USH2A: variants seen among roughly 807,000 people sequenced by gnomAD.
USH2A encodes usherin.
Under a neutral mutation model 538.9 loss-of-function variants are expected in USH2A, and 443 were observed. The ratio of observed to expected loss-of-function variants is 0.82; its 90% CI spans 0.76 to 0.89. The LOEUF (loss-of-function observed/expected upper bound fraction) is 0.89, where lower values mean the gene tolerates loss of function less well. USH2A is among the 40% of genes least tolerant of loss of function. USH2A has a pLI of 0.00. For missense variants in USH2A, 6,633 were observed against 6,324.8 expected, an observed-to-expected ratio of 1.05 and a Z score of -1.65; for synonymous variants, 2,413 against 2,273.5, an observed-to-expected ratio of 1.06 and a Z score of -1.75.
intron 21 of USH2A, among the ~76,000 whole-genome samples, chr1:216,170,755 C>T (rs551574392): frequency 6.6e-6 from 1 of 152,166 alleles, no homozygotes; most frequent in South Asian, 2.1e-4. Context: ...GGATTACTAG[C>T]ATTACAAGGA....
intron 35 of USH2A, among the ~76,000 whole-genome samples, chr1:215,992,644 C>G (rs1331016374): frequency 3.9e-5 from 6 of 152,186 alleles, no homozygotes; most frequent in African/African-American, 1.4e-4. Flanking sequence ...TGTACATGAA[C>G]TTTCCACCTC....
rs767149705 is a variant in USH2A at position 215,813,913 on chromosome 1, T to C, written c.9571-9A>G. On this transcript the variant is annotated splice_polypyrimidine_tract_variant and intron_variant, in intron 48 of 71. Transcript: ENST00000307340. ...ACTCCGTTACAACAAACCTGAAAGT[T>C]TGAAAACAGTTTTAAAGAAATATCA... The C allele has an allele frequency of 2.5e-6, 4 of 1,613,388 alleles. No individual in the cohort carries two copies. In the African/African-American group the frequency reaches 4.0e-5, roughly 16 times the overall value.
At chr1:215,658,912 A>G (rs1474750071) in intron 64 of USH2A, among the ~76,000 whole-genome samples, 2 of 152,248 alleles carry the variant, frequency 1.3e-5, no homozygotes, top group African/African-American at 4.8e-5. Flanking sequence ...AGCTAAGATC[A>G]CAATCACCAA....
chr1:216,274,635 G>T (rs1292439391), intron 11 of USH2A, among the ~76,000 whole-genome samples: 2 of 152,102 alleles, frequency 1.3e-5, no homozygotes, highest in Non-Finnish European at 1.5e-5. Context: ...TAAATGTCAT[G>T]AATTGGAGAA....
intron 37 of USH2A, among the ~76,000 whole-genome samples, chr1:215,961,824 T>C (rs1192341298): frequency 6.6e-6 from 1 of 151,778 alleles, no homozygotes; most frequent in African/African-American, 2.4e-5. Flanking sequence ...AAATAAGGTT[T>C]GACCCATACA....
intron 4 of USH2A, among the ~76,000 whole-genome samples, chr1:216,341,094 C>T (rs530705724): frequency 1.4e-4 from 21 of 152,048 alleles, no homozygotes; most frequent in African/African-American, 3.4e-4. Flanking sequence ...ATTTAGAAAA[C>T]GCCATTGTTT....
chr1:215,999,096 G>A, intron 33 of USH2A, 38 bp from the exon 34 acceptor site: 2 of 1,549,684 alleles, frequency 1.3e-6, no homozygotes, highest in Non-Finnish European at 8.9e-7. Flanking sequence ...ATTCATTCAA[G>A]TCAAAACTAA....
intron 29 of USH2A, among the ~76,000 whole-genome samples, chr1:216,070,837 T>C (rs960054460): frequency 6.7e-6 from 1 of 149,668 alleles, no homozygotes; most frequent in Non-Finnish European, 1.5e-5. Context: ...ATGGAATATA[T>C]TCTTAGTTGC....
At chr1:216,136,040 G>T (rs1280818567) in intron 21 of USH2A, among the ~76,000 whole-genome samples, 1 of 151,888 alleles carries the variant, frequency 6.6e-6, no homozygotes, top group Non-Finnish European at 1.5e-5. Context: ...GTGTATCTTT[G>T]ATTAGTATCA....
At chr1:216,213,963 G>T (rs1313162027) in intron 15 of USH2A, among the ~76,000 whole-genome samples, 1 of 151,964 alleles carries the variant, frequency 6.6e-6, no homozygotes, top group Admixed American at 6.6e-5. Flanking sequence ...TTCAACATTA[G>T]TCAGCAGGAA....
At chr1:216,152,268 A>G (rs1402852932) in intron 21 of USH2A, among the ~76,000 whole-genome samples, 4 of 152,244 alleles carry the variant, frequency 2.6e-5, no homozygotes, top group Non-Finnish European at 5.9e-5. Flanking sequence ...GTATACGCCC[A>G]GATGGCCTGA....
rs764928685 is a variant in USH2A at position 216,323,515 on chromosome 1, T to G, written c.1509A>C (p.Arg503Ser). 6.2e-7 allele frequency: 1 copy of G among 1,613,488 alleles called. No individual in the cohort carries two copies. The highest frequency in any genetic ancestry group is 1.3e-5 in the African/African-American group (1 of 74,964). ...TTTCGTCCACTGCATAATATCTGTG[T>G]CTGAGGTTAACAGCAGTCTCAGTTG... ...YYTTETAVNLRHRYYAVDEIT... is the reference protein window; with the variant it reads ...YYTTETAVNLSHRYYAVDEIT... The change falls in exon 8 of 72, where the codon AGA (arginine) becomes AGC (serine). Residue 503 changes from arginine (R) to serine (S), a missense_variant. Physicochemically the swap from Arg to Ser is moderately radical, Grantham distance 110. Transcript: ENST00000307340.
rs544897614 is a variant in USH2A, at chr1:215,828,170, G to A, written c.9371+9821C>T. ...TAATTTAAAAATATAGGGGGATGCC[G>A]GGTGCTGTGTGGGTCACATCTGTAA... On this transcript the variant is annotated intron_variant, in intron 47 of 71. Coordinates refer to ENST00000307340, the MANE Select transcript of USH2A (RefSeq NM_206933.4). Among the ~76,000 whole-genome samples the A allele has an allele frequency of 1.1e-3, 166 of 152,210 alleles. No homozygotes were observed. The Middle Eastern group carries it at 0.017, about 16-fold the overall frequency.
rs146027651 is a variant in USH2A, at chr1:216,285,041, C to T, written c.1971+4239G>A. ...CATAAAAGTTTGAAAAATTTGCAGG[C>T]TGACAATGCAGTAGAAAAGCAAAAC... On this transcript the variant is annotated intron_variant, in intron 11 of 71. Coordinates refer to ENST00000307340, the MANE Select transcript of USH2A (RefSeq NM_206933.4). Among the ~76,000 whole-genome samples, 753 of 152,294 alleles carry T rather than the reference C, an allele frequency of 4.9e-3. 6 individuals carry two copies. Among genetic ancestry groups the T allele is most frequent in the African/African-American group, 0.018 (734 of 41,564 alleles).
At chr1:216,313,142 C>CCT (rs2037451030) in intron 9 of USH2A, among the ~76,000 whole-genome samples, 2 of 152,092 alleles carry the variant, frequency 1.3e-5, no homozygotes, top group Non-Finnish European at 2.9e-5. Flanking sequence ...AACCTAAATC[C>CCT]CTCACATGTA....
At chr1:215,660,637 C>G (rs1403314477) in intron 64 of USH2A, among the ~76,000 whole-genome samples, 1 of 152,152 alleles carries the variant, frequency 6.6e-6, no homozygotes, top group African/African-American at 2.4e-5. Context: ...GATGGCTTCT[C>G]TACTTTGTTT....
chr1:215,880,640 A>C (rs916613053), intron 41 of USH2A, among the ~76,000 whole-genome samples: 5 of 152,196 alleles, frequency 3.3e-5, no homozygotes, highest in Non-Finnish European at 5.9e-5. Context: ...TGGACCCGGA[A>C]AATGAGTCAA....
intron 21 of USH2A, among the ~76,000 whole-genome samples, chr1:216,173,044 G>T (rs144489117): frequency 2.6e-5 from 4 of 152,088 alleles, no homozygotes; most frequent in Middle Eastern, 3.2e-3. Flanking sequence ...TACTACGAGG[G>T]TAAAAAGAGC....
chr1:215,993,191 C>T (rs1668047046), intron 34 of USH2A, 24 bp from the exon 35 acceptor site: 1 of 1,613,830 alleles, frequency 6.2e-7, no homozygotes, highest in African/African-American at 1.3e-5. Flanking sequence ...CAAAAATGCT[C>T]ATTTCACTCT....
Sources: gnomAD v4.1 joint callset for allele counts (sites outside exome capture counted in the v4.1 genomes callset) on GRCh38, gnomAD v4.1.1 for gene constraint, MANE v1.5 for transcripts, NCBI Gene and HGNC (gene_info 2026-07-23, HGNC 2026-07-21) for gene names.